Variants in DACH2 observed in about 807,000 individuals in gnomAD.
DACH2 encodes the protein dachshund family transcription factor 2.
A neutral mutation model predicts 35.8 loss-of-function variants in DACH2; 17 were observed. That is an observed-to-expected ratio of 0.48 (90% CI 0.33 to 0.71). The LOEUF (loss-of-function observed/expected upper bound fraction) is 0.71, where lower values mean the gene tolerates loss of function less well. DACH2 is among the 30% of genes least tolerant of loss of function. The pLI is 0.02. For synonymous variants in DACH2, 195 were observed against 177.3 expected (o/e 1.10, Z -0.79); for missense variants, 469 against 472.7 (o/e 0.99, Z 0.07).
chrX:86,270,877 G>A lies in DACH2; in HGVS notation c.489-105947G>A, dbSNP rs184664792. Among the ~76,000 whole-genome samples, 22 of 111,172 alleles carry A rather than the reference G, an allele frequency of 2.0e-4. 1 individual carries two copies. The Admixed American group carries it at 2.0e-3, about 10-fold the overall frequency. ...GATATTCTTTTCTGGCTACTTGTGG[G>A]TCCCCAATAGAGGGAGAAATCACTT... On this transcript the variant is annotated intron_variant, in intron 1 of 11. Transcript: ENST00000373125.
At chrX:86,584,891 T>C (rs1245063317) in intron 3 of DACH2, among the ~76,000 whole-genome samples, 2 of 111,164 alleles carry the variant, frequency 1.8e-5, no homozygotes, top group African/African-American at 6.5e-5. Context: ...TCATTATATA[T>C]GAGAACATGC....
intron 2 of DACH2, among the ~76,000 whole-genome samples, chrX:86,479,058 G>C (rs1003582416): frequency 3.6e-5 from 4 of 110,731 alleles, no homozygotes; most frequent in African/African-American, 1.3e-4. Flanking sequence ...GATGGGGTGG[G>C]AAGGTGGTCT....
intron 1 of DACH2, among the ~76,000 whole-genome samples, chrX:86,293,455 A>T (rs1258586150): frequency 9.5e-6 from 1 of 105,695 alleles, no homozygotes; most frequent in Non-Finnish European, 1.9e-5. Context: ...TGTGAATTTG[A>T]TCCTGTCATT....
chrX:86,329,519 C>T (rs774924270), intron 1 of DACH2, among the ~76,000 whole-genome samples: 4 of 110,772 alleles, frequency 3.6e-5, no homozygotes, highest in African/African-American at 1.3e-4. Flanking sequence ...GGGGTCATGA[C>T]CCTGTCTAAA....
At chrX:86,793,142 G>A (rs927976712) in intron 7 of DACH2, among the ~76,000 whole-genome samples, 5 of 110,078 alleles carry the variant, frequency 4.5e-5, no homozygotes, top group Admixed American at 9.8e-5. Context: ...TTATCTACCC[G>A]TTGGCCATTT....
chrX:86,508,943 G>A (rs758534132), intron 2 of DACH2, among the ~76,000 whole-genome samples: 4 of 111,481 alleles, frequency 3.6e-5, no homozygotes, highest in Non-Finnish European at 7.5e-5. Context: ...AGAGAAAGAA[G>A]CATCACCATT....
intron 3 of DACH2, among the ~76,000 whole-genome samples, chrX:86,553,490 C>A (rs777626800): frequency 1.6e-4 from 18 of 111,555 alleles, no homozygotes; most frequent in Non-Finnish European, 3.2e-4. Flanking sequence ...TACTTTGCAT[C>A]CTTCAATGCA....
intron 4 of DACH2, among the ~76,000 whole-genome samples, chrX:86,653,709 A>G (rs2040505815): frequency 1.1e-5 from 1 of 87,032 alleles, no homozygotes; most frequent in Non-Finnish European, 2.1e-5. Context: ...TCTATCACCC[A>G]GGCTGGAGTG....
At chrX:86,652,736 T>G (rs1017699378) in intron 4 of DACH2, among the ~76,000 whole-genome samples, 56 of 112,140 alleles carry the variant, frequency 5.0e-4, no homozygotes, top group African/African-American at 1.6e-3. Context: ...TGGTCACATG[T>G]ATGTCTTCTT....
intron 1 of DACH2, among the ~76,000 whole-genome samples, chrX:86,164,950 G>GTTT (rs143924527): frequency 1.4e-4 from 15 of 107,545 alleles, no homozygotes; most frequent in Admixed American, 4.9e-4. Flanking sequence ...TTTTAAAATA[G>GTTT]TTTTTTTTTC....
intron 3 of DACH2, among the ~76,000 whole-genome samples, chrX:86,568,996 G>A (rs1438406207): frequency 9.0e-6 from 1 of 111,125 alleles, no homozygotes; most frequent in African/African-American, 3.3e-5. Flanking sequence ...CTCTGTATCT[G>A]AGCATATCTA....
intron 1 of DACH2, among the ~76,000 whole-genome samples, chrX:86,333,368 G>A (rs1313898273): frequency 8.9e-6 from 1 of 111,807 alleles, no homozygotes; most frequent in Non-Finnish European, 1.9e-5. Flanking sequence ...CAAGAAAAAT[G>A]CAAGAGAGGC....
chrX:86,479,104 C>G (rs922308563), intron 2 of DACH2, among the ~76,000 whole-genome samples: 1 of 110,926 alleles, frequency 9.0e-6, no homozygotes, highest in Admixed American at 9.6e-5. Flanking sequence ...GCTGGACTCT[C>G]CTCTGACTGA....
intron 3 of DACH2, among the ~76,000 whole-genome samples, chrX:86,551,534 T>C (rs2039048913): frequency 8.9e-6 from 1 of 112,085 alleles, no homozygotes; most frequent in Non-Finnish European, 1.9e-5. Flanking sequence ...CTAGCATTGC[T>C]AAATGTCACC....
chrX:86,699,881 A>G (rs1203792573), intron 5 of DACH2, among the ~76,000 whole-genome samples: 1 of 111,628 alleles, frequency 9.0e-6, no homozygotes, highest in African/African-American at 3.3e-5. Flanking sequence ...GCTGTGTCCC[A>G]AAGATTTTCA....
chrX:86,236,479 G>A (rs1262877212), intron 1 of DACH2, among the ~76,000 whole-genome samples: 2 of 111,583 alleles, frequency 1.8e-5, no homozygotes, highest in African/African-American at 3.3e-5. Flanking sequence ...TGCATAATTC[G>A]GCAATTTTGT....
At chrX:86,641,937 T>C (rs1306926001) in intron 3 of DACH2, among the ~76,000 whole-genome samples, 2 of 111,934 alleles carry the variant, frequency 1.8e-5, no homozygotes, top group South Asian at 3.7e-4. Flanking sequence ...TAGAAGTGTC[T>C]TACAAGGGAT....
chrX:86,642,648 A>G (rs537926168), intron 3 of DACH2, among the ~76,000 whole-genome samples: 3 of 112,282 alleles, frequency 2.7e-5, no homozygotes, highest in African/African-American at 6.5e-5. Flanking sequence ...AAACAACAGA[A>G]TATTCATTCT....
At chrX:86,719,357 T>C (rs1416422338) in intron 6 of DACH2, among the ~76,000 whole-genome samples, 1 of 111,883 alleles carries the variant, frequency 8.9e-6, no homozygotes, top group African/African-American at 3.2e-5. Context: ...TCAAAAGATA[T>C]TTGGTGGAGA....
Sources: gnomAD v4.1 joint callset for allele counts (sites outside exome capture counted in the v4.1 genomes callset) on GRCh38, gnomAD v4.1.1 for gene constraint, MANE v1.5 for transcripts, NCBI Gene and HGNC (gene_info 2026-07-23, HGNC 2026-07-21) for gene names.